MBNL2: variants seen among roughly 807,000 people sequenced by gnomAD.
The protein encoded by MBNL2 is muscleblind like splicing regulator 2.
Under a neutral mutation model 41.9 loss-of-function variants are expected in MBNL2, and 17 were observed. The observed-to-expected ratio is 0.41, with a 90% CI of 0.28 to 0.61. MBNL2 has a LOEUF of 0.61. Ranked by LOEUF, MBNL2 falls within the 20% of genes least tolerant of loss-of-function variation. MBNL2 has a pLI of 0.35. For missense variants in MBNL2, 336 were observed against 505.6 expected (o/e 0.66, Z 3.22); for synonymous variants, 195 against 182.9 (o/e 1.07, Z -0.53).
chr13:97,285,909 C>T (rs185443055), intron 2 of MBNL2, among the ~76,000 whole-genome samples: 173 of 152,320 alleles, frequency 1.1e-3, no homozygotes, highest in African/African-American at 3.7e-3. Context: ...ATACTGGACT[C>T]TCTCCAGACT....
the MBNL2 span, among the ~76,000 whole-genome samples, chr13:97,152,441 C>A: frequency 6.6e-6 from 1 of 151,966 alleles, no homozygotes; most frequent in Non-Finnish European, 1.5e-5. Context: ...ATTAAAAGTA[C>A]GGCCAAGTGC....
intron 1 of MBNL2, among the ~76,000 whole-genome samples, chr13:97,227,672 C>A (rs1315090245): frequency 1.3e-5 from 2 of 152,112 alleles, no homozygotes; most frequent in African/African-American, 2.4e-5. Context: ...TTTTTTCCAG[C>A]AGCTAATTGA....
the MBNL2 span, among the ~76,000 whole-genome samples, chr13:97,204,917 T>C: frequency 6.6e-6 from 1 of 151,952 alleles, no homozygotes. Flanking sequence ...CTACTAAAAA[T>C]ATAAAAATTC....
the MBNL2 span, among the ~76,000 whole-genome samples, chr13:97,162,616 C>T: frequency 6.6e-6 from 1 of 152,138 alleles, no homozygotes; most frequent in Non-Finnish European, 1.5e-5. Context: ...GTATCTAGCG[C>T]TCCTCACTGT....
At chr13:97,328,315 G>A (rs952095823) in intron 2 of MBNL2, among the ~76,000 whole-genome samples, 2 of 152,038 alleles carry the variant, frequency 1.3e-5, no homozygotes, top group South Asian at 2.1e-4. Context: ...TGTGGAATGC[G>A]AGGAATTTCA....
chr13:97,359,159 T>C (rs184898035), intron 7 of MBNL2, among the ~76,000 whole-genome samples: 6 of 152,250 alleles, frequency 3.9e-5, no homozygotes, highest in Admixed American at 2.0e-4. Context: ...TGTAATCTAA[T>C]TGAAATAACA....
the MBNL2 span, among the ~76,000 whole-genome samples, chr13:97,159,243 T>G: frequency 2.7e-4 from 41 of 151,830 alleles, no homozygotes; most frequent in East Asian, 5.8e-4. Context: ...GTTTTCCATT[T>G]GCTCGGTAGA....
intron 2 of MBNL2, among the ~76,000 whole-genome samples, chr13:97,297,316 A>C (rs1027353321): frequency 3.3e-5 from 5 of 152,148 alleles, no homozygotes; most frequent in African/African-American, 7.2e-5. Context: ...CATCAAGATG[A>C]GTATCAGCCA....
the MBNL2 span, among the ~76,000 whole-genome samples, chr13:97,163,447 T>C: frequency 1.3e-5 from 2 of 152,148 alleles, no homozygotes; most frequent in Non-Finnish European, 2.9e-5. Flanking sequence ...TCAGCTGTGG[T>C]AGAATTTGGC....
the MBNL2 span, among the ~76,000 whole-genome samples, chr13:97,164,106 A>G: frequency 6.6e-6 from 1 of 152,230 alleles, no homozygotes; most frequent in South Asian, 2.1e-4. Flanking sequence ...TCCTGGGCTC[A>G]GGTGATCCTC....
intron 8 of MBNL2, among the ~76,000 whole-genome samples, chr13:97,367,502 G>A (rs1174275629): frequency 2.0e-5 from 3 of 152,186 alleles, no homozygotes; most frequent in African/African-American, 4.8e-5. Context: ...AAGAAATTAG[G>A]GGAAATCGTG....
chr13:97,368,327 C>T (rs891267037), intron 8 of MBNL2, among the ~76,000 whole-genome samples: 3 of 151,658 alleles, frequency 2.0e-5, no homozygotes, highest in Non-Finnish European at 2.9e-5. Context: ...GTGGGAGGAT[C>T]GCCTGAGCCT....
At chr13:97,232,023 A>G (rs1176349930) in intron 1 of MBNL2, among the ~76,000 whole-genome samples, 1 of 152,136 alleles carries the variant, frequency 6.6e-6, no homozygotes, top group Non-Finnish European at 1.5e-5. Context: ...AAGGATAGAG[A>G]GGAAGGGTTA....
chr13:97,251,584 G>T (rs576491588), intron 1 of MBNL2, among the ~76,000 whole-genome samples: 37 of 152,194 alleles, frequency 2.4e-4, no homozygotes, highest in African/African-American at 8.7e-4. Flanking sequence ...TATTTTTGTT[G>T]TTGTTATTCT....
chr13:97,330,743 A>C (rs2060364703), intron 2 of MBNL2, among the ~76,000 whole-genome samples: 1 of 152,224 alleles, frequency 6.6e-6, no homozygotes, highest in Non-Finnish European at 1.5e-5. Flanking sequence ...TTATGCCTTA[A>C]CAAAAACTTC....
intron 1 of MBNL2, among the ~76,000 whole-genome samples, chr13:97,232,486 C>T (rs191205322): frequency 1.3e-5 from 2 of 152,266 alleles, no homozygotes; most frequent in African/African-American, 4.8e-5. Context: ...TCAGTTAAAC[C>T]TTTTCATGAA....
chr13:97,209,997 T>C, the MBNL2 span, among the ~76,000 whole-genome samples: 1 of 152,184 alleles, frequency 6.6e-6, no homozygotes, highest in Non-Finnish European at 1.5e-5. Context: ...GGTTTCACCG[T>C]ATTGGCCAGG....
chr13:97,188,229 G>A, the MBNL2 span, among the ~76,000 whole-genome samples: 1 of 152,134 alleles, frequency 6.6e-6, no homozygotes, highest in Non-Finnish European at 1.5e-5. Context: ...TCCAGACCTT[G>A]GTTCTCTCCT....
At chr13:97,154,959 A>T in the MBNL2 span, among the ~76,000 whole-genome samples, 1 of 152,070 alleles carries the variant, frequency 6.6e-6, no homozygotes, top group African/African-American at 2.4e-5. Flanking sequence ...AGTATTGGGG[A>T]CTTTTTTGAT....
Sources: allele counts gnomAD v4.1 joint callset (sites outside exome capture counted in the v4.1 genomes callset), GRCh38; gene constraint gnomAD v4.1.1; transcripts MANE v1.5; gene names NCBI Gene and HGNC (gene_info 2026-07-23, HGNC 2026-07-21).